Variants in NEB observed in about 807,000 individuals in gnomAD.
The protein encoded by NEB is nemaline myopathy type 2.
A neutral mutation model predicts 952.2 loss-of-function variants in NEB; 512 were observed. The ratio of observed to expected loss-of-function variants is 0.54; its 90% CI spans 0.50 to 0.58. The LOEUF is 0.58. Ranked by LOEUF, NEB falls within the 20% of genes least tolerant of loss-of-function variation. NEB has a pLI of 0.00. For synonymous variants in NEB, 2,900 were observed against 3,149.8 expected, an observed-to-expected ratio of 0.92 and a Z score of 2.66; for missense variants, 8,428 against 9,231.1, an observed-to-expected ratio of 0.91 and a Z score of 3.56.
rs370467068 is a variant in NEB, at chr2:151,512,852, C to T, written c.23242-15G>A. On this transcript the variant is annotated splice_polypyrimidine_tract_variant and intron_variant, in intron 160 of 181. Transcript: ENST00000397345. ...TTATACTTAATCTGTAAAACAACAC[C>T]GAATAGTTGGGTAAATGTTTGCAAT... The T allele has an allele frequency of 1.1e-4, 177 of 1,552,034 alleles. No individual in the cohort carries two copies. The highest frequency in any genetic ancestry group is 9.9e-4 in the East Asian group (44 of 44,462).
intron 164 of NEB, among the ~76,000 whole-genome samples, 186 bp from the exon 165 acceptor site, chr2:151,505,756 CAGGGA>C (rs2068315894): frequency 1.3e-5 from 2 of 152,160 alleles, no homozygotes; most frequent in Non-Finnish European, 2.9e-5. Flanking sequence ...ATTCCAAGGA[CAGGGA>C]CGCTTTGTCT....
At chr2:151,545,795 C>T in intron 135 of NEB, 93 bp downstream of exon 135, 1 of 726,268 alleles carries the variant, frequency 1.4e-6, no homozygotes, top group East Asian at 2.7e-5. Context: ...GTTGCCTGAA[C>T]AGCGATCACT....
intron 156 of NEB, among the ~76,000 whole-genome samples, chr2:151,517,578 G>C (rs2078579271): frequency 6.6e-6 from 1 of 152,132 alleles, no homozygotes; most frequent in Non-Finnish European, 1.5e-5. Context: ...TTTCATCATT[G>C]TGTGAACATC....
chr2:151,613,067 T>C (rs928663672), intron 77 of NEB, among the ~76,000 whole-genome samples: 11 of 152,196 alleles, frequency 7.2e-5, no homozygotes, highest in African/African-American at 2.7e-4. Flanking sequence ...TTCTTTTTGT[T>C]TTTATGGCTT....
At chr2:151,698,635 A>ATTTTT (rs1269569080) in intron 13 of NEB, among the ~76,000 whole-genome samples, 4 of 130,548 alleles carry the variant, frequency 3.1e-5, no homozygotes, top group Non-Finnish European at 3.2e-5. Context: ...TACTTCATTA[A>ATTTTT]TTTTTTTTTT....
chr2:151,708,959 G>A (rs2099735531), intron 12 of NEB, among the ~76,000 whole-genome samples: 1 of 152,218 alleles, frequency 6.6e-6, no homozygotes, highest in Non-Finnish European at 1.5e-5. Flanking sequence ...CGTGGATGCT[G>A]TAATAGCCTT....
intron 42 of NEB, among the ~76,000 whole-genome samples, chr2:151,665,123 A>G (rs1444629547): frequency 6.6e-6 from 1 of 152,146 alleles, no homozygotes; most frequent in East Asian, 1.9e-4. Context: ...TGGTTCTGTC[A>G]CATTCTTAAC....
Position 151,665,314 on chromosome 2 carries a change from C to G in NEB, c.5238+19G>C. On this transcript the variant is annotated intron_variant, in intron 42 of 181. Transcript: ENST00000397345. ...CACCATGAGGGTTCCCTGGGCGAGG[C>G]TGGCAGGTGAGTCCTTACCTTGTCC... 1 of 1,611,516 alleles carries G rather than the reference C, an allele frequency of 6.2e-7. No individual in the cohort carries two copies. The highest frequency in any genetic ancestry group is 1.1e-5 in the South Asian group (1 of 90,736).
At chr2:151,571,456 T>C (rs186059084) in intron 107 of NEB, among the ~76,000 whole-genome samples, 2 of 152,382 alleles carry the variant, frequency 1.3e-5, no homozygotes, top group African/African-American at 4.8e-5. Context: ...TGAATTTCTT[T>C]AATGCAATAA....
intron 124 of NEB, among the ~76,000 whole-genome samples, chr2:151,559,423 C>T (rs565241507): frequency 1.3e-5 from 2 of 152,140 alleles, no homozygotes; most frequent in South Asian, 4.1e-4. Context: ...CCATTTGACC[C>T]AGCAATCCCA....
intron 127 of NEB, 70 bp from the exon 128 acceptor site, chr2:151,552,846 G>C (rs2153654534): frequency 8.9e-7 from 1 of 1,120,466 alleles, no homozygotes. Context: ...TTTTCACAGA[G>C]GGTTTGGTTG....
chr2:151,506,042 C>G, intron 164 of NEB, 124 bp downstream of exon 164: 1 of 843,280 alleles, frequency 1.2e-6, no homozygotes, highest in East Asian at 2.4e-5. Flanking sequence ...TGGTGGTACA[C>G]AGGCACCTAT....
intron 54 of NEB, among the ~76,000 whole-genome samples, chr2:151,649,217 A>T (rs887486094): frequency 6.6e-6 from 1 of 152,234 alleles, no homozygotes. Flanking sequence ...TTAAACATTC[A>T]TAATGAAGCT....
rs564304837 is a variant in NEB at position 151,644,077 on chromosome 2, C to T, written c.7697G>A (p.Arg2566Gln). The T allele has an allele frequency of 2.5e-5, 40 of 1,613,954 alleles. No homozygotes were observed. In the African/African-American group the frequency reaches 3.9e-4, roughly 16 times the overall value. Residue 2566 changes from arginine to glutamine, a missense_variant, in exon 57 of 182, where the codon CGG (arginine) becomes CAG (glutamine). This residue lies in a region of NEB where 1,772 missense variants were observed against 1,960.3 expected (regional missense o/e 0.90). Coordinates refer to ENST00000397345, the MANE Select transcript of NEB (RefSeq NM_001164508.2). ...CATCTTGGGGTCATCTTCAATGTTC[C>T]GGGCACCAATGTGGTGGCCGAGCTG... ...RKQLGHHIGARNIEDDPKMMW... is the reference protein window; with the variant it reads ...RKQLGHHIGAQNIEDDPKMMW...
In NEB at chr2:151,644,006, T is replaced by G. The variant is rs1379388372; in HGVS notation, c.7768A>C (p.Lys2590Gln). The G allele has an allele frequency of 6.2e-7, 1 of 1,613,978 alleles. No homozygotes were observed. The highest frequency in any genetic ancestry group is 1.1e-5 in the South Asian group (1 of 91,082). Residue 2590 changes from lysine to glutamine, a missense_variant, in exon 57 of 182, where the codon AAG (lysine) becomes CAG (glutamine). Around this residue, in one of 11 missense-constraint regions of NEB, gnomAD observed 1,772 missense variants for 1,960.3 expected, o/e 0.90. Transcript: ENST00000397345. The part of the protein sequence containing the change: ...VAKIQSDREY[K>Q]KDFEKWKTKF... ...GTCTTCCACTTCTCAAAGTCCTTCT[T>G]GTACTCCCTGTCACTCTGGATCTTG...
chr2:151,648,573 T>C (rs932055116), intron 54 of NEB, among the ~76,000 whole-genome samples: 2 of 152,198 alleles, frequency 1.3e-5, no homozygotes, highest in African/African-American at 4.8e-5. Flanking sequence ...CAGCAGAGTT[T>C]CTCTACCTGC....
intron 173 of NEB, among the ~76,000 whole-genome samples, chr2:151,495,702 T>C (rs1377977944): frequency 2.0e-5 from 3 of 151,256 alleles, no homozygotes; most frequent in Admixed American, 6.6e-5. Context: ...CGAAAACTGG[T>C]AAAACAAAAA....
At chr2:151,636,460 C>G (rs866983607) in intron 63 of NEB, 126 bp from the exon 64 acceptor site, 2 of 764,952 alleles carry the variant, frequency 2.6e-6, no homozygotes, top group South Asian at 1.8e-5. Context: ...GAGTTCTAAG[C>G]CTTCTGCATG....
chr2:151,628,269 A>G (rs547972269), intron 68 of NEB, among the ~76,000 whole-genome samples: 1 of 152,200 alleles, frequency 6.6e-6, no homozygotes, highest in South Asian at 2.1e-4. Context: ...CACAGATACC[A>G]TTTTATCCCT....
Sources: gnomAD v4.1 joint callset for allele counts (sites outside exome capture counted in the v4.1 genomes callset) on GRCh38, gnomAD v4.1.1 for gene constraint, gnomAD v4.1.1 regional missense constraint, MANE v1.5 for transcripts, NCBI Gene and HGNC (gene_info 2026-07-23, HGNC 2026-07-21) for gene names.